FBXO8: variants seen among roughly 807,000 people sequenced by gnomAD.
FBXO8 encodes F-box only protein 8.
FBXO8 carries 15 observed loss-of-function variants against 33.4 expected under a neutral mutation model. The observed-to-expected ratio is 0.45, with a 90% CI of 0.30 to 0.69. The LOEUF (loss-of-function observed/expected upper bound fraction) is 0.69, where lower values mean the gene tolerates loss of function less well. Ranked by LOEUF, FBXO8 falls within the 30% of genes least tolerant of loss-of-function variation. The probability of loss-of-function intolerance (pLI) is 0.08; values close to 1 mark genes in which losing one functional copy is unlikely to be tolerated. For missense variants in FBXO8, 274 were observed against 380.3 expected (o/e 0.72, Z 2.32); for synonymous variants, 132 against 131.5 (o/e 1.00, Z -0.02).
intron 4 of FBXO8, among the ~76,000 whole-genome samples, 194 bp downstream of exon 4, chr4:174,240,906 A>T (rs1736020138): frequency 6.6e-6 from 1 of 151,656 alleles, no homozygotes; most frequent in Non-Finnish European, 1.5e-5. Context: ...ACTTACTTTT[A>T]AAATGGTAAC....
chr4:174,240,689 A>T (rs1736016596), intron 4 of FBXO8, among the ~76,000 whole-genome samples: 1 of 151,664 alleles, frequency 6.6e-6, no homozygotes, highest in Admixed American at 6.6e-5. Context: ...TTATATCCCT[A>T]GGATTTGGGG....
At position 174,247,531 on chromosome 4, in the gene FBXO8, T is replaced by A. The variant is rs2126420110; in HGVS notation, c.457-6313A>T. ...TTGAAGACTTTAAAAATAGTAATACTTAAACAATATAGCTCAATCTAGATT... is the reference window on the plus strand; with the variant it reads ...TTGAAGACTTTAAAAATAGTAATACATAAACAATATAGCTCAATCTAGATT... On this transcript the variant is annotated intron_variant, in intron 3 of 5. Coordinates refer to ENST00000393674, the MANE Select transcript of FBXO8 (RefSeq NM_012180.3). This position sits in a 1 kb window ranked among gnomAD's most constrained non-coding sequence, Gnocchi z 4.6. 6.6e-6 allele frequency among the ~76,000 whole-genome samples: 1 copy of A among 152,182 alleles called. No individual in the cohort carries two copies. Among genetic ancestry groups the A allele is most frequent in the African/African-American group, 2.4e-5 (1 of 41,546 alleles).
Position 174,241,117 on chromosome 4 carries a change from T to G in FBXO8, c.558A>C (p.Arg186Ser). ...GTTTTTACCTTTCATCAAGATAGATTCTCAGTTTTTTCCAATTTAGTGTTC... is the reference window on the plus strand; with the variant it reads ...GTTTTTACCTTTCATCAAGATAGATGCTCAGTTTTTTCCAATTTAGTGTTC... The part of the protein sequence containing the change: ...CTRTLNWKKL[R>S]IYLDERRDVL... Residue 186 changes from arginine to serine, a missense_variant, in exon 4 of 6, where the codon AGA becomes AGC. Coordinates refer to ENST00000393674, the MANE Select transcript of FBXO8 (RefSeq NM_012180.3). This position sits in a 1 kb window ranked among gnomAD's most constrained non-coding sequence, Gnocchi z 4.2. 1 of 1,598,072 alleles carries G rather than the reference T, an allele frequency of 6.3e-7. No individual in the cohort carries two copies. Among genetic ancestry groups the G allele is most frequent in the Non-Finnish European group, 8.6e-7 (1 of 1,168,930 alleles).
In FBXO8 at chr4:174,241,219, C is replaced by T. The variant is rs1419581294; in HGVS notation, c.457-1G>A. The T allele has an allele frequency of 6.4e-7, 1 of 1,561,326 alleles. No individual in the cohort carries two copies. The highest frequency in any genetic ancestry group is 8.8e-7 in the Non-Finnish European group (1 of 1,142,806). On this transcript the variant is annotated splice_acceptor_variant, in intron 3 of 5. Coordinates refer to ENST00000393674, the MANE Select transcript of FBXO8 (RefSeq NM_012180.3). LOFTEE classifies it high-confidence loss of function. This position sits in a 1 kb window ranked among gnomAD's most constrained non-coding sequence, Gnocchi z 4.2. ...CCTTGGACATAAAGTAGTTCACTCC[C>T]TAAGGCAGAAAGACAAGTCTACATA...
rs894226382 is a variant in FBXO8 at position 174,262,114 on chromosome 4, C to G, written c.329+650G>C. ...CTTAGATTTGTGGTTTTAATTCAGA[C>G]TAGTACAATGTGGAAATTTATGTAA... is the stretch of plus-strand genomic sequence containing the variant. On this transcript the variant is annotated intron_variant, in intron 2 of 5. Coordinates refer to ENST00000393674, the MANE Select transcript of FBXO8 (RefSeq NM_012180.3). The surrounding 1 kb of genome is among the most constrained non-coding windows in gnomAD (Gnocchi z 4.6). Among the ~76,000 whole-genome samples, 1 of 151,964 alleles carries G rather than the reference C, an allele frequency of 6.6e-6. No individual in the cohort carries two copies. The highest frequency in any genetic ancestry group is 6.6e-5 in the Admixed American group (1 of 15,244).
chr4:174,259,519 T>C lies in FBXO8; in HGVS notation c.456+180A>G, dbSNP rs529245866. 2.0e-5 allele frequency among the ~76,000 whole-genome samples: 3 copies of C among 152,086 alleles called. No individual in the cohort carries two copies. Among genetic ancestry groups the C allele is most frequent in the African/African-American group, 4.8e-5 (2 of 41,444 alleles). The stretch of plus-strand genomic sequence containing the variant: ...CAGGTAGAAAGGTTAGAACGTGACA[T>C]GGTAAGGCGAAGAAAAATGACTATG... On this transcript the variant is annotated intron_variant, in intron 3 of 5. Coordinates refer to ENST00000393674, the MANE Select transcript of FBXO8 (RefSeq NM_012180.3). This position sits in a 1 kb window ranked among gnomAD's most constrained non-coding sequence, Gnocchi z 4.3.
In FBXO8 at chr4:174,277,576, C is replaced by CT. The variant is rs1318692385; in HGVS notation, c.-9+5833dup. Among the ~76,000 whole-genome samples, 2 of 152,116 alleles carry CT rather than the reference C, an allele frequency of 1.3e-5. No homozygotes were observed. The highest frequency in any genetic ancestry group is 4.8e-5 in the African/African-American group (2 of 41,428). Reference sequence around the variant, plus strand: ...CCGGATGTCTCAAAAAAGCATTCTGCTTTAAGTACTTTTGTTTGAAGCAAA... The same window carrying CT: ...CCGGATGTCTCAAAAAAGCATTCTGCTTTTAAGTACTTTTGTTTGAAGCAAA... On this transcript the variant is annotated intron_variant, in intron 1 of 5. Transcript: ENST00000393674. This position sits in a 1 kb window ranked among gnomAD's most constrained non-coding sequence, Gnocchi z 4.9.
rs1336537782 is a variant in FBXO8 at position 174,237,801 on chromosome 4, A to G, written c.773-202T>C. Reference sequence around the variant, plus strand: ...TGTCATCCTGGGAAACTCAATCCTGAGCAAACCAGGATGGTTATCATCCTA... The same window carrying G: ...TGTCATCCTGGGAAACTCAATCCTGGGCAAACCAGGATGGTTATCATCCTA... On this transcript the variant is annotated intron_variant, in intron 5 of 5. Transcript: ENST00000393674. This position sits in a 1 kb window ranked among gnomAD's most constrained non-coding sequence, Gnocchi z 4.4. Among the ~76,000 whole-genome samples the G allele has an allele frequency of 6.6e-6, 1 of 152,104 alleles. No homozygotes were observed. The highest frequency in any genetic ancestry group is 2.4e-5 in the African/African-American group (1 of 41,436).
rs535447166 is a variant in FBXO8 at position 174,274,863 on chromosome 4, A to G, written c.-9+8547T>C. On this transcript the variant is annotated intron_variant, in intron 1 of 5. Coordinates refer to ENST00000393674, the MANE Select transcript of FBXO8 (RefSeq NM_012180.3). The surrounding 1 kb of genome is among the most constrained non-coding windows in gnomAD (Gnocchi z 4.0). ...AACTATAAAAATTTTAGAAAAATAC[A>G]TAGAAGGAAATCTTTGGGGTCTAAG... 1.1e-4 allele frequency among the ~76,000 whole-genome samples: 17 copies of G among 152,354 alleles called. 1 individual carries two copies. Among genetic ancestry groups the G allele is most frequent in the African/African-American group, 4.1e-4 (17 of 41,576 alleles).
In FBXO8 at chr4:174,259,682, T is replaced by C. The variant is rs747056083; in HGVS notation, c.456+17A>G. 5.0e-6 allele frequency: 8 copies of C among 1,605,644 alleles called. No individual in the cohort carries two copies. Among genetic ancestry groups the C allele is most frequent in the Non-Finnish European group, 5.9e-6 (7 of 1,177,060 alleles). ...AATAAAGGTCACTGGATACAAATAT[T>C]CAAGTTCTTCACTAACCTCATCTGG... On this transcript the variant is annotated intron_variant, in intron 3 of 5. Coordinates refer to ENST00000393674, the MANE Select transcript of FBXO8 (RefSeq NM_012180.3). This position sits in a 1 kb window ranked among gnomAD's most constrained non-coding sequence, Gnocchi z 4.3.
rs1055919954 is a variant in FBXO8 at position 174,267,172 on chromosome 4, A to G, written c.-8-4072T>C. Among the ~76,000 whole-genome samples the G allele has an allele frequency of 2.0e-5, 3 of 152,344 alleles. No homozygotes were observed. The South Asian group carries it at 6.2e-4, about 32-fold the overall frequency. On this transcript the variant is annotated intron_variant, in intron 1 of 5. Coordinates refer to ENST00000393674, the MANE Select transcript of FBXO8 (RefSeq NM_012180.3). This position sits in a 1 kb window ranked among gnomAD's most constrained non-coding sequence, Gnocchi z 4.7. ...AAAAAAAGGCTGTGTTGTCTTTCAC[A>G]GAAAATTTTAAAACTCAGCATGCCT...
At chr4:174,279,341 A>G (rs190187503) in intron 1 of FBXO8, among the ~76,000 whole-genome samples, 2 of 152,266 alleles carry the variant, frequency 1.3e-5, no homozygotes, top group East Asian at 1.9e-4. Context: ...TGAAAGCTAC[A>G]AAACACTACT....
In FBXO8 at chr4:174,261,244, A is replaced by T. The variant is rs1240392368; in HGVS notation, c.330-1419T>A. Among the ~76,000 whole-genome samples the T allele has an allele frequency of 6.6e-6, 1 of 151,976 alleles. No homozygotes were observed. Among genetic ancestry groups the T allele is most frequent in the Non-Finnish European group, 1.5e-5 (1 of 67,850 alleles). ...AAAACCAGAGAACTTCCCAACATCA[A>T]TGAGTATTCAATACATCCAAAGTTG... On this transcript the variant is annotated intron_variant, in intron 2 of 5. Coordinates refer to ENST00000393674, the MANE Select transcript of FBXO8 (RefSeq NM_012180.3). The surrounding 1 kb of genome is among the most constrained non-coding windows in gnomAD (Gnocchi z 4.1).
chr4:174,262,738 A>G lies in FBXO8; in HGVS notation c.329+26T>C. 1 of 1,596,138 alleles carries G rather than the reference A, an allele frequency of 6.3e-7. No individual in the cohort carries two copies. Among genetic ancestry groups the G allele is most frequent in the Admixed American group, 1.7e-5 (1 of 59,474 alleles). ...CATGATTATGTTTAGAGATACCTGAATTCAACTTTGGTGGGTTTAACTTAC... is the reference window on the plus strand; with the variant it reads ...CATGATTATGTTTAGAGATACCTGAGTTCAACTTTGGTGGGTTTAACTTAC... On this transcript the variant is annotated intron_variant, in intron 2 of 5. Transcript: ENST00000393674. The surrounding 1 kb of genome is among the most constrained non-coding windows in gnomAD (Gnocchi z 4.6).
chr4:174,276,158 C>A lies in FBXO8; in HGVS notation c.-9+7252G>T, dbSNP rs533447148. Among the ~76,000 whole-genome samples, 3 of 152,162 alleles carry A rather than the reference C, an allele frequency of 2.0e-5. No individual in the cohort carries two copies. In the South Asian group the frequency reaches 6.2e-4, roughly 32 times the overall value. The stretch of plus-strand genomic sequence containing the variant: ...TTAGAATCTCCTATATTCTTATATG[C>A]CCTTGTTTCCATTAAAATAACAATA... On this transcript the variant is annotated intron_variant, in intron 1 of 5. Coordinates refer to ENST00000393674, the MANE Select transcript of FBXO8 (RefSeq NM_012180.3).
chr4:174,237,607 G>A lies in FBXO8; in HGVS notation c.773-8C>T. 1.3e-6 allele frequency: 2 copies of A among 1,579,498 alleles called. No individual in the cohort carries two copies. Among genetic ancestry groups the A allele is most frequent in the South Asian group, 1.1e-5 (1 of 87,358 alleles). On this transcript the variant is annotated splice_region_variant and splice_polypyrimidine_tract_variant and intron_variant, in intron 5 of 5. Transcript: ENST00000393674. The surrounding 1 kb of genome is among the most constrained non-coding windows in gnomAD (Gnocchi z 4.4). The stretch of plus-strand genomic sequence containing the variant: ...ACAGTACATAGACAGCATCTGGAAA[G>A]AAAAAGAAACAGTTCAAATTATTAG...
rs1258542582 is a variant in FBXO8, at chr4:174,261,641, T to C, written c.329+1123A>G. Reference sequence around the variant, plus strand: ...ATTTCCTCTCACGTAGTACTTTCACTATGTCAAACAAATGAGTAAAAGAAT... The same window carrying C: ...ATTTCCTCTCACGTAGTACTTTCACCATGTCAAACAAATGAGTAAAAGAAT... On this transcript the variant is annotated intron_variant, in intron 2 of 5. Transcript: ENST00000393674. This position sits in a 1 kb window ranked among gnomAD's most constrained non-coding sequence, Gnocchi z 4.1. Among the ~76,000 whole-genome samples, 1 of 151,982 alleles carries C rather than the reference T, an allele frequency of 6.6e-6. No homozygotes were observed. Among genetic ancestry groups the C allele is most frequent in the Non-Finnish European group, 1.5e-5 (1 of 67,892 alleles).
At position 174,241,919 on chromosome 4, in the gene FBXO8, C is replaced by T. The variant is rs981490232; in HGVS notation, c.457-701G>A. Among the ~76,000 whole-genome samples, 3 of 151,348 alleles carry T rather than the reference C, an allele frequency of 2.0e-5. No homozygotes were observed. The highest frequency in any genetic ancestry group is 3.0e-5 in the Non-Finnish European group (2 of 67,490). On this transcript the variant is annotated intron_variant, in intron 3 of 5. Transcript: ENST00000393674. The surrounding 1 kb of genome is among the most constrained non-coding windows in gnomAD (Gnocchi z 4.2). ...CAAAGTTTTCCAGAGAAGCATTACC[C>T]ATAAGTTTTTACCTACTTTAGATTT...
chr4:174,263,563 G>A lies in FBXO8; in HGVS notation c.-8-463C>T, dbSNP rs565571555. Reference sequence around the variant, plus strand: ...TCCTTTTAACCAAACTCCCAGATGCGTAACAGCTGGGAAACAGGCTTTTAG... The same window carrying A: ...TCCTTTTAACCAAACTCCCAGATGCATAACAGCTGGGAAACAGGCTTTTAG... On this transcript the variant is annotated intron_variant, in intron 1 of 5. Coordinates refer to ENST00000393674, the MANE Select transcript of FBXO8 (RefSeq NM_012180.3). The surrounding 1 kb of genome is among the most constrained non-coding windows in gnomAD (Gnocchi z 4.2). Among the ~76,000 whole-genome samples the A allele has an allele frequency of 3.3e-5, 5 of 152,170 alleles. No individual in the cohort carries two copies. Among genetic ancestry groups the A allele is most frequent in the East Asian group, 1.9e-4 (1 of 5,176 alleles).
Sources: gnomAD v4.1 joint callset for allele counts (sites outside exome capture counted in the v4.1 genomes callset) on GRCh38, gnomAD v4.1.1 for gene constraint, Gnocchi (gnomAD v3.1) non-coding constraint, MANE v1.5 for transcripts, NCBI Gene and HGNC (gene_info 2026-07-23, HGNC 2026-07-21) for gene names.